The following WIPF1 variants were observed in gnomAD, a reference collection of about 807,000 sequenced individuals.
WIPF1 encodes the protein WAS/WASL interacting protein family member 1.
WIPF1 carries 13 observed loss-of-function variants against 35.4 expected under a neutral mutation model. That is an observed-to-expected ratio of 0.37 (90% confidence interval 0.24 to 0.58). WIPF1 has a LOEUF of 0.58. Ranked by LOEUF, WIPF1 falls within the 20% of genes least tolerant of loss-of-function variation. WIPF1 has a pLI of 0.74. For synonymous variants in WIPF1, 267 were observed against 266.3 expected, an observed-to-expected ratio of 1.00 and a Z score of -0.02; for missense variants, 591 against 667.0, an observed-to-expected ratio of 0.89 and a Z score of 1.25.
At chr2:174,624,606 T>G (rs1417113607) in intron 1 of WIPF1, among the ~76,000 whole-genome samples, 5 of 152,176 alleles carry the variant, frequency 3.3e-5, no homozygotes, top group Admixed American at 3.3e-4. Flanking sequence ...TTCAAAATAT[T>G]TAACAACCAA....
At chr2:174,635,886 C>G (rs867318796) in intron 1 of WIPF1, among the ~76,000 whole-genome samples, 1 of 152,180 alleles carries the variant, frequency 6.6e-6, no homozygotes, top group African/African-American at 2.4e-5. Flanking sequence ...GGACTCAGAA[C>G]TGTGGACAAC....
chr2:174,642,956 C>T (rs1488376926), intron 1 of WIPF1, among the ~76,000 whole-genome samples: 1 of 149,508 alleles, frequency 6.7e-6, no homozygotes, highest in Non-Finnish European at 1.5e-5. Flanking sequence ...CTATTCCACA[C>T]ATTTTGATGC....
intron 1 of WIPF1, among the ~76,000 whole-genome samples, chr2:174,648,772 C>A (rs151103228): frequency 6.6e-6 from 1 of 152,064 alleles, no homozygotes; most frequent in Non-Finnish European, 1.5e-5. Context: ...TGCAAGAATT[C>A]GGCTTTTAAA....
chr2:174,638,605 C>CTT (rs879535543), intron 1 of WIPF1, among the ~76,000 whole-genome samples: 2 of 147,330 alleles, frequency 1.4e-5, no homozygotes, highest in Non-Finnish European at 3.0e-5. Flanking sequence ...TGATATCAAC[C>CTT]TTTTTTTTTT....
intron 4 of WIPF1, among the ~76,000 whole-genome samples, chr2:174,572,699 A>G (rs1357781919): frequency 1.3e-5 from 2 of 152,220 alleles, no homozygotes; most frequent in East Asian, 3.9e-4. Flanking sequence ...ATCTCTTAGC[A>G]TTATGTATAG....
chr2:174,563,614 C>A (rs1390343679), intron 7 of WIPF1, among the ~76,000 whole-genome samples: 3 of 152,150 alleles, frequency 2.0e-5, no homozygotes, highest in Non-Finnish European at 2.9e-5. Context: ...GGCTATCAGT[C>A]CACTGTAACT....
intron 1 of WIPF1, among the ~76,000 whole-genome samples, chr2:174,668,937 T>C (rs978454748): frequency 1.3e-5 from 2 of 152,222 alleles, no homozygotes; most frequent in Non-Finnish European, 2.9e-5. Flanking sequence ...CTTGCCAGAT[T>C]AGCTGTGTGA....
In WIPF1 at chr2:174,658,052, C is replaced by A. The variant is rs984371637; in HGVS notation, c.-39+24722G>T. 3.3e-5 allele frequency among the ~76,000 whole-genome samples: 5 copies of A among 151,826 alleles called. No individual in the cohort carries two copies. The East Asian group carries it at 9.7e-4, about 29-fold the overall frequency. The stretch of plus-strand genomic sequence containing the variant: ...AACCCTAGAGAATGAAAAACTTATT[C>A]TTTAACTTTTCTTCTTCTGTGGAGT... On this transcript the variant is annotated intron_variant, in intron 1 of 8. Coordinates refer to the WIPF1 transcript ENST00000272746.
chr2:174,594,899 G>C (rs1363942385), intron 1 of WIPF1, among the ~76,000 whole-genome samples: 1 of 151,100 alleles, frequency 6.6e-6, no homozygotes, highest in African/African-American at 2.4e-5. Flanking sequence ...CTGTTGCTGT[G>C]ACATTTAAAG....
chr2:174,644,765 TG>T (rs1687368144), intron 1 of WIPF1, among the ~76,000 whole-genome samples: 1 of 152,224 alleles, frequency 6.6e-6, no homozygotes, highest in South Asian at 2.1e-4. Flanking sequence ...GAGAAAATAA[TG>T]TTGCTAGACC....
rs1258973707 is a variant in WIPF1, at chr2:174,625,441, T to G, written c.-38-39830A>C. ...TTTGTTTTACTTTACTCCATGCTTCTGGAAAGCAGGCTGGGGGGCTCTGGA... is the reference window on the plus strand; with the variant it reads ...TTTGTTTTACTTTACTCCATGCTTCGGGAAAGCAGGCTGGGGGGCTCTGGA... On this transcript the variant is annotated intron_variant, in intron 1 of 8. Transcript: ENST00000272746. 4.6e-5 allele frequency among the ~76,000 whole-genome samples: 7 copies of G among 152,174 alleles called. No homozygotes were observed. The East Asian group carries it at 1.3e-3, about 29-fold the overall frequency.
intron 1 of WIPF1, among the ~76,000 whole-genome samples, chr2:174,635,216 A>G (rs572495388): frequency 1.8e-4 from 28 of 152,340 alleles, no homozygotes; most frequent in African/African-American, 5.8e-4. Context: ...CTGTATTCTC[A>G]GCCTTCCAGG....
chr2:174,568,227 C>A (rs905659361), intron 5 of WIPF1, among the ~76,000 whole-genome samples, 154 bp from the exon 6 acceptor site: 4 of 152,106 alleles, frequency 2.6e-5, no homozygotes, highest in African/African-American at 7.2e-5. Flanking sequence ...AGTAAACACA[C>A]AGAAACACAA....
intron 1 of WIPF1, chr2:174,676,613 G>A (rs1688137298): frequency 6.6e-6 from 1 of 151,998 alleles, no homozygotes; most frequent in South Asian, 2.1e-4. Flanking sequence ...GTCTTGCTTA[G>A]ACTTCTTTCT....
intron 1 of WIPF1, among the ~76,000 whole-genome samples, chr2:174,631,743 T>C (rs1174519969): frequency 6.6e-6 from 1 of 152,234 alleles, no homozygotes; most frequent in African/African-American, 2.4e-5. Flanking sequence ...TCCAGATTTG[T>C]TCATGCCAAC....
intron 1 of WIPF1, chr2:174,676,556 T>G (rs983618208): frequency 5.9e-5 from 9 of 152,086 alleles, no homozygotes; most frequent in Non-Finnish European, 1.2e-4. Flanking sequence ...TCCTCTCACC[T>G]TGGCCTCCCA....
intron 1 of WIPF1, among the ~76,000 whole-genome samples, chr2:174,680,179 G>A (rs1688218406): frequency 6.6e-6 from 1 of 152,182 alleles, no homozygotes; most frequent in Non-Finnish European, 1.5e-5. Context: ...AAGCATTCAG[G>A]CGCAGACTTC....
intron 7 of WIPF1, chr2:174,566,306 A>C (rs1684658235): frequency 1.3e-5 from 2 of 152,348 alleles, no homozygotes; most frequent in Non-Finnish European, 1.5e-5. Flanking sequence ...ATAAAATTCC[A>C]GTTTGTCTAT....
In WIPF1 at chr2:174,562,147, A is replaced by C; in HGVS notation, c.*400T>G. ...TGGTCTGTGGTTCATAGAAACAGAG[A>C]GGAGGCCAAGCATGCGAAAAAGGAA... On this transcript the variant is annotated 3_prime_UTR_variant, in exon 8 of 8. Coordinates refer to ENST00000679041, the MANE Select transcript of WIPF1 (RefSeq NM_001375834.1). 1 of 1,550,562 alleles carries C rather than the reference A, an allele frequency of 6.4e-7. No homozygotes were observed. Among genetic ancestry groups the C allele is most frequent in the Non-Finnish European group, 8.7e-7 (1 of 1,146,994 alleles).
Sources: allele counts gnomAD v4.1 joint callset (sites outside exome capture counted in the v4.1 genomes callset), GRCh38; gene constraint gnomAD v4.1.1; transcripts MANE v1.5; gene names NCBI Gene and HGNC (gene_info 2026-07-23, HGNC 2026-07-21).